TARS3: variants seen among roughly 807,000 people sequenced by gnomAD.
TARS3 encodes threonyl-tRNA synthetase 3.
A neutral mutation model predicts 103.5 loss-of-function variants in TARS3; 94 were observed. The observed-to-expected ratio is 0.91, with a 90% CI of 0.77 to 1.08. TARS3 has a LOEUF of 1.08. Ranked by LOEUF, TARS3 falls within the 50% of genes least tolerant of loss-of-function variation. TARS3 has a pLI of 0.00. For synonymous variants in TARS3, 416 were observed against 355.4 expected, an observed-to-expected ratio of 1.17 and a Z score of -1.92; for missense variants, 952 against 995.2, an observed-to-expected ratio of 0.96 and a Z score of 0.58.
intron 10 of TARS3, among the ~76,000 whole-genome samples, chr15:101,691,665 C>CTT (rs1898731399): frequency 6.6e-6 from 1 of 152,048 alleles, no homozygotes; most frequent in African/African-American, 2.4e-5. Context: ...AAAGAGTTAC[C>CTT]TTTTTTGTGT....
chr15:101,674,999 C>T, intron 13 of TARS3, among the ~76,000 whole-genome samples: 1 of 151,904 alleles, frequency 6.6e-6, no homozygotes. Context: ...ACAGGCAGAG[C>T]AGGGTGTCTG....
chr15:101,718,971 C>T (rs549635829), intron 3 of TARS3, among the ~76,000 whole-genome samples: 34 of 152,312 alleles, frequency 2.2e-4, no homozygotes, highest in Admixed American at 1.6e-3. Flanking sequence ...CTGCACAGAT[C>T]CCAAGAGGAC....
At chr15:101,688,698 T>G (rs1195000535) in intron 10 of TARS3, among the ~76,000 whole-genome samples, 4 of 151,686 alleles carry the variant, frequency 2.6e-5, no homozygotes, top group African/African-American at 9.7e-5. Context: ...ACAAAGAAAA[T>G]AGGAGAGAAG....
chr15:101,706,199 G>A (rs564870666), intron 6 of TARS3, among the ~76,000 whole-genome samples: 1 of 152,252 alleles, frequency 6.6e-6, no homozygotes, highest in East Asian at 1.9e-4. Flanking sequence ...TGTTGGCCAG[G>A]CTGGTCTCAA....
intron 18 of TARS3, chr15:101,655,950 G>A (rs1049088185): frequency 7.8e-7 from 1 of 1,289,116 alleles, no homozygotes; most frequent in Non-Finnish European, 1.0e-6. Context: ...GTTCTCTCTA[G>A]TGACCCATAT....
Position 101,653,630 on chromosome 15 carries a change from C to T in TARS3, c.*952G>A, listed in dbSNP as rs1371323540. The T allele has an allele frequency of 6.6e-6, 1 of 152,268 alleles. No homozygotes were observed. Among genetic ancestry groups the T allele is most frequent in the Non-Finnish European group, 1.5e-5 (1 of 68,048 alleles). 9.4% of individuals were successfully genotyped at this position (152,268 alleles called of 1,614,324 possible). A position where few individuals can be genotyped will look rare whatever the true frequency, so the allele number is the denominator to read the frequency against. ...ATATTGTTTTGTTTGCCAACTGTTTCACTGTTCACATCCCTCAGGAAGTTA... is the reference window on the plus strand; with the variant it reads ...ATATTGTTTTGTTTGCCAACTGTTTTACTGTTCACATCCCTCAGGAAGTTA... On this transcript the variant is annotated 3_prime_UTR_variant, in exon 19 of 19. Transcript: ENST00000335968.
rs1897216379 is a variant in TARS3, at chr15:101,656,965, CTTAT to C, written c.2213_2216del (p.Asn738ArgfsTer23). ...GAGCCAGCTGTGCATTTCGTATTTTCTTATTTAGTGTACAACTGTGATCCAAGTC... is the reference window on the plus strand; with the variant it reads ...GAGCCAGCTGTGCATTTCGTATTTTCTTAGTGTACAACTGTGATCCAAGTC... On this transcript the variant is annotated frameshift_variant, in exon 18 of 19. Transcript: ENST00000335968. LOFTEE classifies it high-confidence loss of function. The C allele has an allele frequency of 7.4e-6, 12 of 1,613,312 alleles. No individual in the cohort carries two copies. The highest frequency in any genetic ancestry group is 6.7e-5 in the Admixed American group (4 of 59,936).
chr15:101,672,122 G>A (rs1047487190), intron 13 of TARS3, among the ~76,000 whole-genome samples: 4 of 152,006 alleles, frequency 2.6e-5, no homozygotes, highest in African/African-American at 9.7e-5. Flanking sequence ...AAGCAGAAAA[G>A]CCTTGATCAC....
At chr15:101,717,924 G>A (rs1900236468) in intron 3 of TARS3, among the ~76,000 whole-genome samples, 1 of 152,198 alleles carries the variant, frequency 6.6e-6, no homozygotes, top group African/African-American at 2.4e-5. Flanking sequence ...AAGTGGCACT[G>A]GCTTAACAGA....
intron 6 of TARS3, among the ~76,000 whole-genome samples, chr15:101,706,281 C>A (rs1485683303): frequency 6.6e-6 from 1 of 152,142 alleles, no homozygotes; most frequent in African/African-American, 2.4e-5. Context: ...AGCCACCACA[C>A]CTGGCCTCAA....
intron 1 of TARS3, among the ~76,000 whole-genome samples, chr15:101,723,374 T>C (rs556343449): frequency 7.6e-4 from 115 of 152,282 alleles, no homozygotes; most frequent in Non-Finnish European, 1.3e-3. Flanking sequence ...TTTAATATAT[T>C]GTGCTCTTGA....
At chr15:101,675,012 C>T (rs1897965188) in intron 13 of TARS3, among the ~76,000 whole-genome samples, 1 of 151,868 alleles carries the variant, frequency 6.6e-6, no homozygotes, top group Non-Finnish European at 1.5e-5. Context: ...GGTGTCTGGC[C>T]ATGACACCAT....
chr15:101,708,257 G>GAA (rs60601502), intron 6 of TARS3, among the ~76,000 whole-genome samples: 2 of 48,618 alleles, frequency 4.1e-5, no homozygotes, highest in African/African-American at 8.8e-5. Flanking sequence ...GACTCTGTCT[G>GAA]AAAAAAAAAA....
rs145074326 is a variant in TARS3, at chr15:101,699,682, G to A, written c.1320+1404C>T. Among the ~76,000 whole-genome samples the A allele has an allele frequency of 1.8e-4, 28 of 152,190 alleles. No individual in the cohort carries two copies. The East Asian group carries it at 5.2e-3, about 28-fold the overall frequency. Reference sequence around the variant, plus strand: ...TGATCTCCTACCATTGCCTCGCATTGGCCAGTCCCTACTGGAAGATGTGTA... The same window carrying A: ...TGATCTCCTACCATTGCCTCGCATTAGCCAGTCCCTACTGGAAGATGTGTA... On this transcript the variant is annotated intron_variant, in intron 10 of 18. Coordinates refer to ENST00000335968, the MANE Select transcript of TARS3 (RefSeq NM_152334.3).
rs1899548124 is a variant in TARS3, at chr15:101,706,128, TATTTTTGTATTTTTACTATGTGCTA to T, written c.931-406_931-382del. Among the ~76,000 whole-genome samples, 5 of 152,270 alleles carry T rather than the reference TATTTTTGTATTTTTACTATGTGCTA, an allele frequency of 3.3e-5. No individual in the cohort carries two copies. In the South Asian group the frequency reaches 8.3e-4, roughly 25 times the overall value. On this transcript the variant is annotated intron_variant, in intron 6 of 18. Transcript: ENST00000335968. ...GGCATGTACCACCATGCCTGTATTGTATTTTTGTATTTTTACTATGTGCTAATTTTTGTATTTTTAGTAGAGACAG... is the reference window on the plus strand; with the variant it reads ...GGCATGTACCACCATGCCTGTATTGTATTTTTGTATTTTTAGTAGAGACAG...
chr15:101,669,261 G>C (rs1181779620), intron 15 of TARS3, among the ~76,000 whole-genome samples: 1 of 152,168 alleles, frequency 6.6e-6, no homozygotes, highest in Non-Finnish European at 1.5e-5. Context: ...ATAGAAAAAT[G>C]TTTATAGAAT....
intron 10 of TARS3, among the ~76,000 whole-genome samples, chr15:101,691,670 TTG>T (rs1898731961): frequency 6.6e-6 from 1 of 152,194 alleles, no homozygotes; most frequent in South Asian, 2.1e-4. Flanking sequence ...GTTACCTTTT[TTG>T]TGTGTGTGAC....
At chr15:101,703,387 C>T (rs1473734912) in intron 8 of TARS3, among the ~76,000 whole-genome samples, 4 of 152,054 alleles carry the variant, frequency 2.6e-5, no homozygotes. Flanking sequence ...GTTAGGAGTT[C>T]GAGACCAGCC....
At chr15:101,693,470 G>A (rs929109622) in intron 10 of TARS3, among the ~76,000 whole-genome samples, 7 of 151,904 alleles carry the variant, frequency 4.6e-5, no homozygotes, top group Non-Finnish European at 7.4e-5. Context: ...TGACCCTTGG[G>A]GATTACTACA....
Sources: gnomAD v4.1 joint callset for allele counts (sites outside exome capture counted in the v4.1 genomes callset) on GRCh38, gnomAD v4.1.1 for gene constraint, MANE v1.5 for transcripts, NCBI Gene and HGNC (gene_info 2026-07-23, HGNC 2026-07-21) for gene names.